Variants in BLNK observed in about 807,000 individuals in gnomAD.
The protein encoded by BLNK is B-cell linker protein.
BLNK carries 29 observed loss-of-function variants against 73.5 expected under a neutral mutation model. The observed-to-expected ratio is 0.39, with a 90% CI of 0.29 to 0.54. The LOEUF is 0.54. BLNK is among the 20% of genes least tolerant of loss of function. BLNK has a pLI of 0.61. For missense variants in BLNK, 460 were observed against 562.8 expected (o/e 0.82, Z 1.85); for synonymous variants, 176 against 200.8 (o/e 0.88, Z 1.04).
rs75040182 is a variant in BLNK at position 96,205,179 on chromosome 10, A to G, written c.818-563T>C. 7.3e-3 allele frequency: 1,159 copies of G among 158,948 alleles called. 10 individuals carry two copies. Among genetic ancestry groups the G allele is most frequent in the South Asian group, 0.013 (70 of 5,352 alleles). The allele number at this position is 158,948 out of a possible 1,614,324, so 9.8% of individuals were successfully genotyped here. The stretch of plus-strand genomic sequence containing the variant: ...TGCATTTCAGTGTTTTCCTGAGCAG[A>G]AGAGGAAAGGGTGGGAAATGAGCAT... On this transcript the variant is annotated intron_variant, in intron 11 of 16. Coordinates refer to ENST00000224337, the MANE Select transcript of BLNK (RefSeq NM_013314.4).
chr10:96,258,683 T>A (rs1554911839), intron 1 of BLNK, among the ~76,000 whole-genome samples: 2 of 152,170 alleles, frequency 1.3e-5, no homozygotes, highest in African/African-American at 4.8e-5. Context: ...ACAAGCCCAG[T>A]AAGCCATTGC....
intron 1 of BLNK, 80 bp from the exon 2 acceptor site, chr10:96,247,129 C>A: frequency 3.1e-6 from 3 of 981,638 alleles, no homozygotes; most frequent in South Asian, 1.6e-5. Context: ...TTCTCGAATA[C>A]AAAAAAGGGG....
chr10:96,218,498 C>T (rs1439459746), intron 6 of BLNK, among the ~76,000 whole-genome samples: 1 of 152,038 alleles, frequency 6.6e-6, no homozygotes, highest in African/African-American at 2.4e-5. Context: ...TCAAAACCAG[C>T]CTGGGCAACA....
chr10:96,219,296 T>A (rs1055624744), intron 6 of BLNK, among the ~76,000 whole-genome samples: 9 of 152,240 alleles, frequency 5.9e-5, no homozygotes, highest in African/African-American at 1.7e-4. Flanking sequence ...GTTGAGTGGC[T>A]GCGGATCCCT....
At chr10:96,221,647 C>A (rs781848923) in intron 6 of BLNK, among the ~76,000 whole-genome samples, 1 of 152,124 alleles carries the variant, frequency 6.6e-6, no homozygotes, top group Admixed American at 6.5e-5. Context: ...AAATGAAGAG[C>A]CTTACATAAC....
intron 1 of BLNK, among the ~76,000 whole-genome samples, chr10:96,269,527 G>C (rs916835805): frequency 5.9e-5 from 9 of 151,540 alleles, no homozygotes; most frequent in African/African-American, 2.2e-4. Context: ...CCTTCTCACT[G>C]CCATGTCCCA....
intron 3 of BLNK, among the ~76,000 whole-genome samples, chr10:96,240,360 G>A (rs1354527116): frequency 6.6e-6 from 1 of 152,124 alleles, no homozygotes; most frequent in Non-Finnish European, 1.5e-5. Flanking sequence ...CACTCAGATG[G>A]CCTAACTTCT....
rs2133998089 is a variant in BLNK, at chr10:96,215,333, C to T, written c.664G>A (p.Gly222Arg). 1 of 1,613,994 alleles carries T rather than the reference C, an allele frequency of 6.2e-7. No individual in the cohort carries two copies. The highest frequency in any genetic ancestry group is 8.5e-7 in the Non-Finnish European group (1 of 1,179,968). Residue 222 changes from glycine (G) to arginine (R), a missense_variant, in exon 8 of 17, where the codon GGA becomes AGA. Gly to Arg is a moderately radical substitution (Grantham distance 125). Around this residue, in one of 3 missense-constraint regions of BLNK, gnomAD observed 233 missense variants for 232.1 expected, o/e 1.00. Transcript: ENST00000224337. ...PNSSTPASPP[G>R]TASGRNSGAW... The stretch of plus-strand genomic sequence containing the variant: ...ACATACACTTTACCTGAAGCTGTTC[C>T]TGGAGGAGAGGCGGGCGTTGAGGAA...
At position 96,200,174 on chromosome 10, in the gene BLNK, C is replaced by G; in HGVS notation, c.1012-16G>C. ...CGCCAGCTTCCTGTGAAATGGAGGG[C>G]ACTGGTCAGCATGGGATGGTCCCTA... On this transcript the variant is annotated splice_polypyrimidine_tract_variant and intron_variant, in intron 14 of 16. Coordinates refer to ENST00000224337, the MANE Select transcript of BLNK (RefSeq NM_013314.4). This position sits in a 1 kb window ranked among gnomAD's most constrained non-coding sequence, Gnocchi z 4.3. 1 of 1,611,362 alleles carries G rather than the reference C, an allele frequency of 6.2e-7. No homozygotes were observed. The highest frequency in any genetic ancestry group is 8.5e-7 in the Non-Finnish European group (1 of 1,177,682).
At position 96,251,471 on chromosome 10, in the gene BLNK, G is replaced by A. The variant is rs112354754; in HGVS notation, c.48-4422C>T. ...GATGAGTTGTGTGTAGGTAAAGATA[G>A]GTAAGGCATAAAACAGCTTCACTTT... On this transcript the variant is annotated intron_variant, in intron 1 of 16. Coordinates refer to ENST00000224337, the MANE Select transcript of BLNK (RefSeq NM_013314.4). Among the ~76,000 whole-genome samples, 1,342 of 152,302 alleles carry A rather than the reference G, an allele frequency of 8.8e-3. 26 individuals carry two copies. The highest frequency in any genetic ancestry group is 0.031 in the African/African-American group (1,269 of 41,560).
At position 96,269,474 on chromosome 10, in the gene BLNK, G is replaced by A. The variant is rs76459184; in HGVS notation, c.47+1878C>T. ...CTGTTCATTCAGAGGAAGGTGCCTA[G>A]TTAGTTTCTTTGCCATGTCTTTCTG... On this transcript the variant is annotated intron_variant, in intron 1 of 16. Transcript: ENST00000224337. 5.0e-3 allele frequency among the ~76,000 whole-genome samples: 753 copies of A among 151,120 alleles called. 6 individuals carry two copies. The highest frequency in any genetic ancestry group is 0.016 in the African/African-American group (645 of 41,190).
chr10:96,221,688 A>G (rs1554901189), intron 6 of BLNK, among the ~76,000 whole-genome samples: 1 of 152,200 alleles, frequency 6.6e-6, no homozygotes, highest in Non-Finnish European at 1.5e-5. Context: ...CTATATCTGA[A>G]TTTGTGTCTT....
chr10:96,236,219 A>G (rs1842684775), intron 3 of BLNK, among the ~76,000 whole-genome samples: 1 of 152,054 alleles, frequency 6.6e-6, no homozygotes, highest in Non-Finnish European at 1.5e-5. Context: ...CCTGCTCTGG[A>G]GGCTACCCGG....
In BLNK at chr10:96,227,470, C is replaced by T; in HGVS notation, c.301G>A (p.Val101Ile). Reference sequence around the variant, plus strand: ...TGAACCGGCCTGGTTTCCTGCTCTACTGGAGGCGGCTCGTAGCTGTCATCA... The same window carrying T: ...TGAACCGGCCTGGTTTCCTGCTCTATTGGAGGCGGCTCGTAGCTGTCATCA... Reference protein sequence around the residue: ...NADDSYEPPPVEQETRPVHPA... With the variant: ...NADDSYEPPPIEQETRPVHPA... Residue 101 changes from valine to isoleucine, a missense_variant, in exon 5 of 17, where the codon GTA (valine) becomes ATA (isoleucine). By Grantham distance (29) the Val-to-Ile change is conservative (BLOSUM62 3). This residue lies in a region of BLNK where 139 missense variants were observed against 187.3 expected (regional missense o/e 0.74). Transcript: ENST00000224337. 6.2e-7 allele frequency: 1 copy of T among 1,614,232 alleles called. No homozygotes were observed. Among genetic ancestry groups the T allele is most frequent in the Non-Finnish European group, 8.5e-7 (1 of 1,180,052 alleles).
At chr10:96,227,363 C>A in intron 5 of BLNK, 47 bp downstream of exon 5, 1 of 1,603,572 alleles carries the variant, frequency 6.2e-7, no homozygotes, top group South Asian at 1.1e-5. Context: ...CCCCCACCTC[C>A]CCATGGGCCT....
At chr10:96,238,356 C>T (rs1554905486) in intron 3 of BLNK, among the ~76,000 whole-genome samples, 1 of 152,152 alleles carries the variant, frequency 6.6e-6, no homozygotes, top group Non-Finnish European at 1.5e-5. Flanking sequence ...TTTTGGGAAG[C>T]CATTTGTTTC....
chr10:96,259,377 G>A (rs1179040732), intron 1 of BLNK, among the ~76,000 whole-genome samples: 1 of 152,198 alleles, frequency 6.6e-6, no homozygotes, highest in Admixed American at 6.5e-5. Context: ...CAGGGGAAAT[G>A]GGAAGGAGAG....
chr10:96,210,073 G>A, intron 8 of BLNK, 166 bp from the exon 9 acceptor site: 5 of 737,944 alleles, frequency 6.8e-6, no homozygotes, highest in Non-Finnish European at 9.6e-6. Flanking sequence ...AAAACTTGTG[G>A]GCAAAGGTGA....
chr10:96,216,345 A>G, intron 7 of BLNK: 1 of 398,434 alleles, frequency 2.5e-6, no homozygotes. Context: ...ACATTGTATT[A>G]GGTTTTATGA....
Sources: allele counts gnomAD v4.1 joint callset (sites outside exome capture counted in the v4.1 genomes callset), GRCh38; gene constraint gnomAD v4.1.1; regional missense constraint gnomAD v4.1.1; non-coding constraint Gnocchi (gnomAD v3.1); transcripts MANE v1.5; gene names NCBI Gene and HGNC (gene_info 2026-07-23, HGNC 2026-07-21).